PRDM16: variants seen among roughly 807,000 people sequenced by gnomAD.
PRDM16 encodes PR/SET domain 16.
A neutral mutation model predicts 110.6 loss-of-function variants in PRDM16; 23 were observed. The observed-to-expected ratio is 0.21, with a 90% confidence interval of 0.15 to 0.29. PRDM16 has a LOEUF of 0.29. Among genes scored for constraint, PRDM16 ranks in the 10% least tolerant of loss-of-function variants. PRDM16 has a pLI of 1.00. For missense variants in PRDM16, 1,615 were observed against 1,794.3 expected (o/e 0.90, Z 1.81); for synonymous variants, 799 against 781.8 (o/e 1.02, Z -0.37).
chr1:3,232,359 G>A (rs1427233346), intron 2 of PRDM16, among the ~76,000 whole-genome samples: 3 of 152,192 alleles, frequency 2.0e-5, no homozygotes, highest in African/African-American at 7.2e-5. Flanking sequence ...CTGAGCCTCA[G>A]CATTCTCAGG....
chr1:3,365,873 C>T (rs1569577805), intron 3 of PRDM16, among the ~76,000 whole-genome samples: 1 of 152,204 alleles, frequency 6.6e-6, no homozygotes, highest in Non-Finnish European at 1.5e-5. Flanking sequence ...GTCAGCTGCA[C>T]GTGTTTATGT....
chr1:3,213,966 A>C lies in PRDM16; in HGVS notation c.387+27492A>C, dbSNP rs1489351967. 6.6e-6 allele frequency among the ~76,000 whole-genome samples: 1 copy of C among 152,058 alleles called. No homozygotes were observed. Among genetic ancestry groups the C allele is most frequent in the Non-Finnish European group, 1.5e-5 (1 of 68,022 alleles). ...GTGCACCAAGCAGAACGGCCAGGCA[A>C]GCTGCGCCCAGACACATGTCGGAGT... On this transcript the variant is annotated intron_variant, in intron 2 of 16. Transcript: ENST00000270722. The surrounding 1 kb of genome is among the most constrained non-coding windows in gnomAD (Gnocchi z 5.3).
intron 3 of PRDM16, among the ~76,000 whole-genome samples, chr1:3,376,374 G>A (rs1447311028): frequency 6.6e-6 from 1 of 152,214 alleles, no homozygotes; most frequent in Non-Finnish European, 1.5e-5. Context: ...GACTCCACGT[G>A]TCCCGGGCCT....
At chr1:3,264,581 G>A (rs967313857) in intron 3 of PRDM16, among the ~76,000 whole-genome samples, 20 of 149,156 alleles carry the variant, frequency 1.3e-4, no homozygotes, top group African/African-American at 4.5e-4. Context: ...GAGGACCCCG[G>A]GCCAGGAGGA....
intron 8 of PRDM16, among the ~76,000 whole-genome samples, chr1:3,408,134 GC>G (rs1643592706): frequency 6.6e-6 from 1 of 152,218 alleles, no homozygotes; most frequent in Non-Finnish European, 1.5e-5. Context: ...ATGGTCAGTT[GC>G]TTGCAGGAGA....
At chr1:3,311,057 T>G (rs1016458451) in intron 3 of PRDM16, among the ~76,000 whole-genome samples, 1 of 152,168 alleles carries the variant, frequency 6.6e-6, no homozygotes, top group African/African-American at 2.4e-5. Context: ...CAGGGAGTCC[T>G]CAGCTGAACC....
At chr1:3,402,573 G>C (rs1005978057) in intron 5 of PRDM16, among the ~76,000 whole-genome samples, 1 of 152,174 alleles carries the variant, frequency 6.6e-6, no homozygotes, top group Non-Finnish European at 1.5e-5. Context: ...GGGTCCTTTG[G>C]TCCTGCCCAG....
intron 3 of PRDM16, among the ~76,000 whole-genome samples, chr1:3,266,026 C>G (rs976684812): frequency 6.6e-6 from 1 of 152,212 alleles, no homozygotes. Flanking sequence ...ATTAAGTCTC[C>G]GTCGTCTTGA....
chr1:3,340,537 A>G (rs1181814020), intron 3 of PRDM16, among the ~76,000 whole-genome samples: 1 of 152,060 alleles, frequency 6.6e-6, no homozygotes, highest in Admixed American at 6.6e-5. Context: ...CATCAATACC[A>G]TCTACGTTTT....
intron 3 of PRDM16, among the ~76,000 whole-genome samples, chr1:3,248,993 T>TA (rs1162534462): frequency 6.6e-6 from 1 of 152,184 alleles, no homozygotes; most frequent in Admixed American, 6.5e-5. Context: ...GTGCAGCAGT[T>TA]ACTGGAGGAG....
Position 3,128,146 on chromosome 1 carries a change from G to A in PRDM16, c.38-57979G>A, listed in dbSNP as rs114605885. ...AGAGAGACAGTCATTCTGAGTGTTC[G>A]GAAATTGAAGACTAGATCTGGGTCT... On this transcript the variant is annotated intron_variant, in intron 1 of 16. Coordinates refer to ENST00000270722, the MANE Select transcript of PRDM16 (RefSeq NM_022114.4). 872 of 154,676 alleles carry A rather than the reference G, an allele frequency of 5.6e-3. 2 individuals are homozygous for A. Among genetic ancestry groups the A allele is most frequent in the Non-Finnish European group, 9.7e-3 (660 of 68,216 alleles). 9.6% of individuals were successfully genotyped at this position (154,676 alleles called of 1,614,324 possible). A position where few individuals can be genotyped will look rare whatever the true frequency, so the allele number is the denominator to read the frequency against.
intron 1 of PRDM16, among the ~76,000 whole-genome samples, chr1:3,182,336 G>T (rs191631835): frequency 6.6e-6 from 1 of 152,184 alleles, no homozygotes; most frequent in South Asian, 2.1e-4. Context: ...GGCACTGCTC[G>T]TGTGGCCCTG....
At chr1:3,159,924 A>G (rs1208815054) in intron 1 of PRDM16, among the ~76,000 whole-genome samples, 1 of 152,264 alleles carries the variant, frequency 6.6e-6, no homozygotes, top group Non-Finnish European at 1.5e-5. Context: ...AAATACTTTT[A>G]TAGTATAAGC....
intron 1 of PRDM16, among the ~76,000 whole-genome samples, chr1:3,091,204 C>T (rs193233910): frequency 3.9e-5 from 6 of 152,332 alleles, no homozygotes; most frequent in East Asian, 3.9e-4. Context: ...CCACACAGAG[C>T]GCTTCCATCA....
rs887365185 is a variant in PRDM16 at position 3,233,322 on chromosome 1, C to T, written c.388-10765C>T. Among the ~76,000 whole-genome samples, 53 of 152,174 alleles carry T rather than the reference C, an allele frequency of 3.5e-4. 2 individuals are homozygous for T. The highest frequency in any genetic ancestry group is 3.5e-3 in the Admixed American group (53 of 15,290). ...GGCCAGCAGTGGACCTGGGAGGGCA[C>T]ATCTTTCAGATGTGAGTCGGGACAG... On this transcript the variant is annotated intron_variant, in intron 2 of 16. Transcript: ENST00000270722.
At chr1:3,086,444 C>T (rs1471092170) in intron 1 of PRDM16, among the ~76,000 whole-genome samples, 2 of 152,188 alleles carry the variant, frequency 1.3e-5, no homozygotes, top group Non-Finnish European at 2.9e-5. Context: ...CCCTCAGAGC[C>T]TGTGCTGGAA....
chr1:3,227,679 C>A (rs1198257822), intron 2 of PRDM16, among the ~76,000 whole-genome samples: 3 of 152,246 alleles, frequency 2.0e-5, no homozygotes, highest in African/African-American at 7.2e-5. Context: ...AATGCAAAGA[C>A]CCAAGTCCAC....
In PRDM16 at chr1:3,225,685, A is replaced by G. The variant is rs544669527; in HGVS notation, c.388-18402A>G. On this transcript the variant is annotated intron_variant, in intron 2 of 16. Coordinates refer to ENST00000270722, the MANE Select transcript of PRDM16 (RefSeq NM_022114.4). ...TGGAATGGGGAAAAAAAAACACATG[A>G]GAATCCTACTTGAAGGAGTTGAAAT... is the stretch of plus-strand genomic sequence containing the variant. Among the ~76,000 whole-genome samples the G allele has an allele frequency of 4.6e-5, 7 of 152,230 alleles. No homozygotes were observed. The South Asian group carries it at 1.0e-3, about 23-fold the overall frequency.
intron 1 of PRDM16, among the ~76,000 whole-genome samples, chr1:3,174,177 G>C (rs766722005): frequency 2.0e-5 from 3 of 152,116 alleles, no homozygotes; most frequent in Admixed American, 6.5e-5. Flanking sequence ...GGCATTCCTT[G>C]GCTCGGGGCA....
Sources: gnomAD v4.1 joint callset for allele counts (sites outside exome capture counted in the v4.1 genomes callset) on GRCh38, gnomAD v4.1.1 for gene constraint, Gnocchi (gnomAD v3.1) non-coding constraint, MANE v1.5 for transcripts, NCBI Gene and HGNC (gene_info 2026-07-23, HGNC 2026-07-21) for gene names.